The following COG5 variants were observed in gnomAD, a reference collection of about 807,000 sequenced individuals.
The protein encoded by COG5 is component of oligomeric golgi complex 5.
In COG5, 86 loss-of-function variants were observed where a neutral mutation model predicts 110.4. The ratio of observed to expected loss-of-function variants is 0.78; its 90% CI spans 0.65 to 0.93. The LOEUF is 0.93. Ranked by LOEUF, COG5 falls within the 40% of genes least tolerant of loss-of-function variation. COG5 has a pLI of 0.00. For missense variants in COG5, 1,077 were observed against 987.0 expected (o/e 1.09, Z -1.22); for synonymous variants, 360 against 334.6 (o/e 1.08, Z -0.83).
At chr7:107,209,316 T>C in intron 21 of COG5, 1 of 799,638 alleles carries the variant, frequency 1.3e-6, no homozygotes, top group Non-Finnish European at 1.5e-6. Context: ...CTTGGCTAGT[T>C]AGGTGATTGT....
chr7:107,259,597 G>T (rs1029993394), intron 14 of COG5, among the ~76,000 whole-genome samples: 1 of 151,998 alleles, frequency 6.6e-6, no homozygotes, highest in African/African-American at 2.4e-5. Context: ...GGCAGGGGGG[G>T]TCAAATGCTA....
intron 21 of COG5, among the ~76,000 whole-genome samples, chr7:107,206,604 G>A (rs1798808655): frequency 6.6e-6 from 1 of 152,174 alleles, no homozygotes; most frequent in Admixed American, 6.5e-5. Context: ...CAGCGTATAA[G>A]AAGTGTTTAA....
chr7:107,255,324 GAGAAAACATACA>G (rs1396236776), intron 16 of COG5, among the ~76,000 whole-genome samples: 1 of 152,074 alleles, frequency 6.6e-6, no homozygotes, highest in Non-Finnish European at 1.5e-5. Flanking sequence ...AAGGGATATA[GAGAAAACATACA>G]AGTATACTTC....
intron 7 of COG5, among the ~76,000 whole-genome samples, chr7:107,395,598 A>G (rs1790940108): frequency 9.0e-6 from 1 of 111,408 alleles, no homozygotes; most frequent in Admixed American, 1.4e-4. Flanking sequence ...CTTGTTGCCC[A>G]GGCTGGAGTA....
At chr7:107,299,001 G>A (rs541317061) in intron 11 of COG5, among the ~76,000 whole-genome samples, 10 of 152,198 alleles carry the variant, frequency 6.6e-5, no homozygotes, top group African/African-American at 2.2e-4. Flanking sequence ...AAATTTTAAC[G>A]CAACATATCA....
chr7:107,222,912 C>T lies in COG5; in HGVS notation c.2168+7703G>A, dbSNP rs185487191. On this transcript the variant is annotated intron_variant, in intron 19 of 21. Coordinates refer to ENST00000297135, the MANE Select transcript of COG5 (RefSeq NM_006348.5). Reference sequence around the variant, plus strand: ...TCATTAAAAAAAAACTGCATTTCTACTCAGCAAGATTCACATTTAAACGAT... The same window carrying T: ...TCATTAAAAAAAAACTGCATTTCTATTCAGCAAGATTCACATTTAAACGAT... Among the ~76,000 whole-genome samples, 43 of 152,250 alleles carry T rather than the reference C, an allele frequency of 2.8e-4. No individual in the cohort carries two copies. In the East Asian group the frequency reaches 7.0e-3, roughly 25 times the overall value.
chr7:107,530,625 A>G (rs948260976), intron 5 of COG5, among the ~76,000 whole-genome samples: 1 of 148,810 alleles, frequency 6.7e-6, no homozygotes, highest in East Asian at 2.0e-4. Context: ...AAAAAAAAAA[A>G]ACACAGTTTT....
intron 6 of COG5, among the ~76,000 whole-genome samples, chr7:107,432,971 G>A (rs748473009): frequency 4.6e-5 from 7 of 151,758 alleles, no homozygotes; most frequent in South Asian, 2.1e-4. Flanking sequence ...AAAAATAAAC[G>A]AATTTAGCGA....
intron 17 of COG5, among the ~76,000 whole-genome samples, chr7:107,247,355 G>A (rs1280441540): frequency 6.6e-6 from 1 of 151,920 alleles, no homozygotes; most frequent in Non-Finnish European, 1.5e-5. Context: ...CTTCACATGT[G>A]CCCCCAAACC....
intron 11 of COG5, among the ~76,000 whole-genome samples, chr7:107,303,713 T>A (rs1807473262): frequency 1.3e-5 from 2 of 152,126 alleles, no homozygotes; most frequent in Non-Finnish European, 2.9e-5. Context: ...AGCACTGGGA[T>A]TACAGGAATG....
At chr7:107,473,911 A>C in intron 6 of COG5, 2 of 513,958 alleles carry the variant, frequency 3.9e-6, no homozygotes, top group South Asian at 7.5e-5. Flanking sequence ...TTTTCTATTA[A>C]TAGTTTACAA....
intron 11 of COG5, among the ~76,000 whole-genome samples, chr7:107,314,896 T>C (rs1223341494): frequency 6.6e-6 from 1 of 152,236 alleles, no homozygotes; most frequent in Non-Finnish European, 1.5e-5. Context: ...TATAAACTTT[T>C]AGTACTTTCC....
chr7:107,510,515 C>A (rs138581425), intron 6 of COG5, among the ~76,000 whole-genome samples: 2,256 of 152,198 alleles, frequency 0.015, 55 homozygotes, highest in African/African-American at 0.052. Context: ...AAAGGATACC[C>A]AGGAATTGAA....
chr7:107,269,964 A>G (rs189726959), intron 14 of COG5, among the ~76,000 whole-genome samples: 1 of 152,306 alleles, frequency 6.6e-6, no homozygotes, highest in African/African-American at 2.4e-5. Flanking sequence ...TCAGTATTCA[A>G]GAGTCCACGC....
intron 3 of COG5, 64 bp downstream of exon 3, chr7:107,554,221 T>C (rs748135685): frequency 8.4e-6 from 12 of 1,432,996 alleles, no homozygotes; most frequent in Non-Finnish European, 1.2e-5. Flanking sequence ...CCAAAGTAGC[T>C]TGCCAAAGCT....
chr7:107,243,241 C>A (rs764740725), intron 17 of COG5, among the ~76,000 whole-genome samples: 1 of 152,092 alleles, frequency 6.6e-6, no homozygotes, highest in South Asian at 2.1e-4. Context: ...CGGCCTGGGG[C>A]GGTGGCTCAC....
intron 15 of COG5, among the ~76,000 whole-genome samples, chr7:107,257,899 G>A (rs995096447): frequency 2.6e-5 from 4 of 152,064 alleles, no homozygotes; most frequent in African/African-American, 9.7e-5. Context: ...TTGACATGTT[G>A]GAGGGCTTCA....
At position 107,526,140 on chromosome 7, in the gene COG5, T is replaced by C. The variant is rs532570531; in HGVS notation, c.538+1097A>G. Among the ~76,000 whole-genome samples, 11 of 152,368 alleles carry C rather than the reference T, an allele frequency of 7.2e-5. No individual in the cohort carries two copies. In the South Asian group the frequency reaches 2.3e-3, roughly 32 times the overall value. On this transcript the variant is annotated intron_variant, in intron 6 of 21. Coordinates refer to ENST00000297135, the MANE Select transcript of COG5 (RefSeq NM_006348.5). The stretch of plus-strand genomic sequence containing the variant: ...CATGTAATGTACATTTCTCTGATAC[T>C]ATTTTGGCATAACTGCTTTCAAAGC...
intron 6 of COG5, among the ~76,000 whole-genome samples, chr7:107,510,115 G>C (rs866734265): frequency 5.6e-5 from 8 of 142,452 alleles, no homozygotes; most frequent in Admixed American, 1.4e-4. Flanking sequence ...AAACTGGATA[G>C]AGTCAAGACC....
Sources: gnomAD v4.1 joint callset for allele counts (sites outside exome capture counted in the v4.1 genomes callset) on GRCh38, gnomAD v4.1.1 for gene constraint, MANE v1.5 for transcripts, NCBI Gene and HGNC (gene_info 2026-07-23, HGNC 2026-07-21) for gene names.